EFCAB14: variants seen among roughly 807,000 people sequenced by gnomAD.
EFCAB14 encodes the protein EF-hand calcium binding domain 14, also known as EF-hand calcium-binding domain-containing protein 14.
Under a neutral mutation model 56.5 loss-of-function variants are expected in EFCAB14, and 43 were observed. The ratio of observed to expected loss-of-function variants is 0.76; its 90% CI spans 0.60 to 0.98. The LOEUF (loss-of-function observed/expected upper bound fraction) is 0.98, where lower values mean the gene tolerates loss of function less well. Among genes scored for constraint, EFCAB14 ranks in the 50% least tolerant of loss-of-function variants. The probability of loss-of-function intolerance (pLI) is 0.00; values close to 1 mark genes in which losing one functional copy is unlikely to be tolerated. For synonymous variants in EFCAB14, 235 were observed against 212.9 expected (o/e 1.10, Z -0.90); for missense variants, 538 against 580.3 (o/e 0.93, Z 0.75).
Position 46,716,314 on chromosome 1 carries a change from G to A in EFCAB14, c.315C>T (p.Leu105=), listed in dbSNP as rs1314096116. Residue 105 remains leucine (L), a synonymous_variant, in exon 2 of 11, where the codon CTC becomes CTT. Coordinates refer to ENST00000371933, the MANE Select transcript of EFCAB14 (RefSeq NM_014774.3). ...ACTTACTTGTTCGAAATTTTTCCTT[G>A]AGGGCATCCAGATCCTCCTTGAGAG... ...QVALKEDLDA[L]KEKFRTMESN... 8 of 1,583,038 alleles carry A rather than the reference G, an allele frequency of 5.1e-6. No individual in the cohort carries two copies. Among genetic ancestry groups the A allele is most frequent in the Non-Finnish European group, 6.9e-6 (8 of 1,161,808 alleles).
intron 3 of EFCAB14, 29 bp from the exon 4 acceptor site, chr1:46,696,678 A>G: frequency 6.2e-7 from 1 of 1,602,778 alleles, no homozygotes. Flanking sequence ...CAAACAATGA[A>G]AACAAATGAG....
At chr1:46,695,696 C>T (rs1330422665) in intron 4 of EFCAB14, among the ~76,000 whole-genome samples, 2 of 152,200 alleles carry the variant, frequency 1.3e-5, no homozygotes, top group Non-Finnish European at 2.9e-5. Context: ...CCCCTATCCA[C>T]TCTTCCCGTC....
At chr1:46,699,971 A>G (rs1258448502) in intron 3 of EFCAB14, among the ~76,000 whole-genome samples, 2 of 152,302 alleles carry the variant, frequency 1.3e-5, no homozygotes, top group East Asian at 3.9e-4. Context: ...TGACAAGTCC[A>G]TGTTGGGAGG....
intron 2 of EFCAB14, among the ~76,000 whole-genome samples, chr1:46,712,954 C>T (rs1483287919): frequency 3.3e-5 from 5 of 151,640 alleles, no homozygotes; most frequent in African/African-American, 1.2e-4. Context: ...TTAGAGGTTG[C>T]AGTGAGCCGA....
Position 46,677,246 on chromosome 1 carries a change from G to C in EFCAB14, c.*1215C>G, listed in dbSNP as rs767152492. ...TTGCTACCACCATGTGAAGGCCCTA[G>C]CTCCAGGCCTGCCCTGCTATACTTT... On this transcript the variant is annotated 3_prime_UTR_variant, in exon 11 of 11. Coordinates refer to ENST00000371933, the MANE Select transcript of EFCAB14 (RefSeq NM_014774.3). The C allele has an allele frequency of 6.6e-6, 1 of 152,320 alleles. No individual in the cohort carries two copies. Among genetic ancestry groups the C allele is most frequent in the Admixed American group, 6.5e-5 (1 of 15,278 alleles). The allele number at this position is 152,320 out of a possible 1,614,324, so 9.4% of individuals were successfully genotyped here. A position where few individuals can be genotyped will look rare whatever the true frequency, so the allele number is the denominator to read the frequency against.
rs75236291 is a variant in EFCAB14 at position 46,690,102 on chromosome 1, A to C, written c.691-411T>G. Among the ~76,000 whole-genome samples the C allele has an allele frequency of 4.2e-3, 643 of 152,336 alleles. 1 individual carries two copies. The highest frequency in any genetic ancestry group is 0.014 in the African/African-American group (591 of 41,580). On this transcript the variant is annotated intron_variant, in intron 5 of 10. Transcript: ENST00000371933. ...CTGGACTCAAGAGCTTTGACATTAAAAAGGCAGCCAGTCATGTAACCACTG... is the reference window on the plus strand; with the variant it reads ...CTGGACTCAAGAGCTTTGACATTAACAAGGCAGCCAGTCATGTAACCACTG...
In EFCAB14 at chr1:46,716,309, T is replaced by A. The variant is rs1448500997; in HGVS notation, c.320A>T (p.Glu107Val). 6.2e-7 allele frequency: 1 copy of A among 1,608,502 alleles called. No individual in the cohort carries two copies. The highest frequency in any genetic ancestry group is 2.2e-5 in the East Asian group (1 of 44,780). Reference sequence around the variant, plus strand: ...CACTTACTTACTTGTTCGAAATTTTTCCTTGAGGGCATCCAGATCCTCCTT... The same window carrying A: ...CACTTACTTACTTGTTCGAAATTTTACCTTGAGGGCATCCAGATCCTCCTT... ...ALKEDLDALK[E>V]KFRTMESNQK... The change falls in exon 2 of 11, where the codon GAA (glutamate) becomes GTA (valine). Residue 107 changes from glutamate (E) to valine (V), a missense_variant. Transcript: ENST00000371933.
chr1:46,695,522 T>C (rs970606729), intron 4 of EFCAB14, among the ~76,000 whole-genome samples: 1 of 152,234 alleles, frequency 6.6e-6, no homozygotes, highest in Non-Finnish European at 1.5e-5. Flanking sequence ...AGAATTCATA[T>C]GCTCATAGAC....
chr1:46,699,676 T>A (rs1040072156), intron 3 of EFCAB14, among the ~76,000 whole-genome samples: 2 of 152,212 alleles, frequency 1.3e-5, no homozygotes, highest in African/African-American at 4.8e-5. Flanking sequence ...CAACAACAAC[T>A]ATTTAACAAC....
At position 46,676,028 on chromosome 1, in the gene EFCAB14, A is replaced by G. The variant is rs1306420790; in HGVS notation, c.*2433T>C. ...TGGCTGGTGAGGCTTGACTACAGCTAAATACAAGTCACAGGCTTAGTAAGT... is the reference window on the plus strand; with the variant it reads ...TGGCTGGTGAGGCTTGACTACAGCTGAATACAAGTCACAGGCTTAGTAAGT... On this transcript the variant is annotated 3_prime_UTR_variant, in exon 11 of 11. Transcript: ENST00000371933. 6.6e-5 allele frequency: 10 copies of G among 152,232 alleles called. No homozygotes were observed. The highest frequency in any genetic ancestry group is 5.2e-4 in the Admixed American group (8 of 15,286). 9.4% of individuals were successfully genotyped at this position (152,232 alleles called of 1,614,324 possible).
intron 10 of EFCAB14, 125 bp downstream of exon 10, chr1:46,683,175 G>C: frequency 9.0e-7 from 1 of 1,107,066 alleles, no homozygotes; most frequent in South Asian, 1.6e-5. Context: ...TGCATATAAA[G>C]TATCTGGCAC....
intron 3 of EFCAB14, among the ~76,000 whole-genome samples, chr1:46,704,644 C>T (rs919576020): frequency 3.9e-5 from 6 of 152,096 alleles, no homozygotes; most frequent in Non-Finnish European, 5.9e-5. Context: ...TTTTAAGTTA[C>T]GTAGTCTACG....
intron 9 of EFCAB14, among the ~76,000 whole-genome samples, chr1:46,683,633 G>C (rs938486675): frequency 6.6e-6 from 1 of 152,184 alleles, no homozygotes; most frequent in Non-Finnish European, 1.5e-5. Context: ...ATTATATTAC[G>C]TTAAGGTTTG....
intron 3 of EFCAB14, among the ~76,000 whole-genome samples, chr1:46,704,421 G>A (rs1452427392): frequency 1.4e-5 from 2 of 146,412 alleles, no homozygotes; most frequent in Non-Finnish European, 3.0e-5. Context: ...GCTGCACAGT[G>A]AGCTGTGATT....
intron 10 of EFCAB14, 116 bp from the exon 11 acceptor site, chr1:46,678,752 T>A: frequency 1.0e-6 from 1 of 965,604 alleles, no homozygotes; most frequent in Non-Finnish European, 1.5e-6. Flanking sequence ...CAAATTTTGT[T>A]TCCAAATGGT....
intron 5 of EFCAB14, among the ~76,000 whole-genome samples, chr1:46,690,543 G>GA (rs1676975152): frequency 6.6e-6 from 1 of 152,100 alleles, no homozygotes; most frequent in South Asian, 2.1e-4. Flanking sequence ...AAGGAGGGGG[G>GA]AATCCATGGT....
chr1:46,716,515 C>T (rs190310901), intron 1 of EFCAB14, 72 bp from the exon 2 acceptor site: 137 of 1,536,482 alleles, frequency 8.9e-5, no homozygotes, highest in Admixed American at 3.6e-4. Flanking sequence ...CAATAGTACA[C>T]GTTTTGCCAT....
chr1:46,692,016 T>C (rs1677000764), intron 4 of EFCAB14, 79 bp from the exon 5 acceptor site: 5 of 1,009,520 alleles, frequency 5.0e-6, no homozygotes, highest in Admixed American at 2.6e-5. Context: ...TATTCAAAAA[T>C]GTATAATTTG....
At chr1:46,715,543 G>A (rs768740955) in intron 2 of EFCAB14, among the ~76,000 whole-genome samples, 3 of 152,022 alleles carry the variant, frequency 2.0e-5, no homozygotes, top group African/African-American at 4.8e-5. Flanking sequence ...AGAGGCAATC[G>A]TTTGACAGAT....
Sources: gnomAD v4.1 joint callset for allele counts (sites outside exome capture counted in the v4.1 genomes callset) on GRCh38, gnomAD v4.1.1 for gene constraint, MANE v1.5 for transcripts, NCBI Gene and HGNC (gene_info 2026-07-23, HGNC 2026-07-21) for gene names.